The following RMND1 variants were observed in gnomAD, a reference collection of about 807,000 sequenced individuals.
RMND1 encodes required for meiotic nuclear division 1 homolog.
A neutral mutation model predicts 54.0 loss-of-function variants in RMND1; 41 were observed. The observed-to-expected ratio is 0.76, with a 90% CI of 0.59 to 0.98. The LOEUF (loss-of-function observed/expected upper bound fraction) is 0.98, where lower values mean the gene tolerates loss of function less well. Among genes scored for constraint, RMND1 ranks in the 50% least tolerant of loss-of-function variants. The probability of loss-of-function intolerance (pLI) is 0.00; values close to 1 mark genes in which losing one functional copy is unlikely to be tolerated. For synonymous variants in RMND1, 183 were observed against 181.7 expected (o/e 1.01, Z -0.06); for missense variants, 457 against 532.0 (o/e 0.86, Z 1.39).
At chr6:151,436,092 T>C (rs867255089) in intron 3 of RMND1, 34 of 195,478 alleles carry the variant, frequency 1.7e-4, no homozygotes, top group African/African-American at 8.3e-4. Context: ...GCAACAAGAG[T>C]GAAACTCCAT....
Position 151,445,511 on chromosome 6 carries a change from A to T in RMND1, c.301T>A (p.Phe101Ile), listed in dbSNP as rs144414751. 1.2e-5 allele frequency: 20 copies of T among 1,614,286 alleles called. No homozygotes were observed. The Admixed American group carries it at 1.3e-4, about 11-fold the overall frequency. ...EKAHLPTMKS[F>I]GTHRRVTHKP... Reference sequence around the variant, plus strand: ...TGGGTCACTCTCCTGTGAGTACCAAAGGATTTCATGGTTGGAAGGTGTGCC... The same window carrying T: ...TGGGTCACTCTCCTGTGAGTACCAATGGATTTCATGGTTGGAAGGTGTGCC... The change falls in exon 2 of 12, where the codon TTT (phenylalanine) becomes ATT (isoleucine). Residue 101 changes from phenylalanine (F) to isoleucine (I), a missense_variant. Phe to Ile is a conservative substitution (Grantham distance 21). Transcript: ENST00000444024.
intron 4 of RMND1, among the ~76,000 whole-genome samples, chr6:151,431,732 TATC>T (rs985514585): frequency 7.9e-5 from 12 of 152,118 alleles, no homozygotes; most frequent in Non-Finnish European, 1.2e-4. Context: ...AGTGAAAAAA[TATC>T]ATTATTAATT....
chr6:151,413,032 T>A (rs1779899784), intron 10 of RMND1, among the ~76,000 whole-genome samples: 1 of 152,166 alleles, frequency 6.6e-6, no homozygotes, highest in African/African-American at 2.4e-5. Context: ...ACTGCCATGT[T>A]GTGAGATGCT....
chr6:151,405,048 T>A lies in RMND1; in HGVS notation c.*187A>T. ...CACACCTGGCTAATTTTGGTATTTT[T>A]AGTAGAGATGGGGTTTCACCATGTT... On this transcript the variant is annotated 3_prime_UTR_variant, in exon 12 of 12. Coordinates refer to ENST00000444024, the MANE Select transcript of RMND1 (RefSeq NM_017909.4). The A allele has an allele frequency of 1.9e-6, 1 of 524,984 alleles. No individual in the cohort carries two copies. Among genetic ancestry groups the A allele is most frequent in the Non-Finnish European group, 3.4e-6 (1 of 296,504 alleles). 32.5% of individuals were successfully genotyped at this position (524,984 alleles called of 1,614,324 possible).
chr6:151,421,423 T>G, intron 8 of RMND1, 102 bp from the exon 9 acceptor site: 80 of 687,558 alleles, frequency 1.2e-4, no homozygotes, highest in Non-Finnish European at 1.8e-4. Context: ...ATTTGGATCC[T>G]ATGTAAATAT....
intron 1 of RMND1, among the ~76,000 whole-genome samples, chr6:151,448,937 C>A (rs768266486): frequency 1.3e-5 from 2 of 151,346 alleles, no homozygotes; most frequent in Non-Finnish European, 2.9e-5. Context: ...ATCAGCCGGG[C>A]ATGGTGGCAT....
In RMND1 at chr6:151,433,019, A is replaced by G. The variant is rs77629987; in HGVS notation, c.689+136T>C. 3.5e-4 allele frequency: 193 copies of G among 556,874 alleles called. 1 individual carries two copies. The highest frequency in any genetic ancestry group is 3.5e-3 in the African/African-American group (182 of 52,696). 34.5% of individuals were successfully genotyped at this position (556,874 alleles called of 1,614,324 possible). ...GACAAACTCTCCTAGATTAAATAAGAATTAAATGATAAATTTAAATCACAA... is the reference window on the plus strand; with the variant it reads ...GACAAACTCTCCTAGATTAAATAAGGATTAAATGATAAATTTAAATCACAA... On this transcript the variant is annotated intron_variant, in intron 4 of 11. Coordinates refer to ENST00000444024, the MANE Select transcript of RMND1 (RefSeq NM_017909.4).
At chr6:151,431,948 T>C (rs1780460168) in intron 4 of RMND1, among the ~76,000 whole-genome samples, 1 of 151,928 alleles carries the variant, frequency 6.6e-6, no homozygotes, top group Non-Finnish European at 1.5e-5. Flanking sequence ...TTTTTTTTTT[T>C]TTCTTTGAGG....
At chr6:151,416,170 C>A (rs936043501) in intron 10 of RMND1, among the ~76,000 whole-genome samples, 1 of 151,624 alleles carries the variant, frequency 6.6e-6, no homozygotes, top group Non-Finnish European at 1.5e-5. Flanking sequence ...GTAGAGACAG[C>A]GTTTTACCAT....
At chr6:151,448,827 G>A (rs898610187) in intron 1 of RMND1, among the ~76,000 whole-genome samples, 4 of 152,154 alleles carry the variant, frequency 2.6e-5, no homozygotes, top group African/African-American at 4.8e-5. Context: ...GGCGGCTCAC[G>A]CCTGTAATCT....
chr6:151,428,964 C>G (rs1346296568), intron 5 of RMND1, among the ~76,000 whole-genome samples: 1 of 152,142 alleles, frequency 6.6e-6, no homozygotes, highest in African/African-American at 2.4e-5. Flanking sequence ...AAATAGCCAA[C>G]TTGTATTTTC....
In RMND1 at chr6:151,436,552, G is replaced by A. The variant is rs2114959161; in HGVS notation, c.507C>T (p.Asp169=). 2.5e-6 allele frequency: 4 copies of A among 1,613,604 alleles called. No homozygotes were observed. The highest frequency in any genetic ancestry group is 1.1e-5 in the South Asian group (1 of 91,064). ...TTGCAAATGCTGTGCAGTGCATTAG[G>A]TCCTGTTCCAGGGAAATGAGCATAA... ...TNLPVLSVNE[D]LMHCTAFATA... The change falls in exon 3 of 12, where the codon GAC becomes GAT. Residue 169 remains aspartate (D), a splice_region_variant and synonymous_variant. Coordinates refer to ENST00000444024, the MANE Select transcript of RMND1 (RefSeq NM_017909.4).
chr6:151,420,466 G>A (rs1266581259), intron 9 of RMND1, among the ~76,000 whole-genome samples: 1 of 152,170 alleles, frequency 6.6e-6, no homozygotes, highest in Non-Finnish European at 1.5e-5. Context: ...ACTGGACAAT[G>A]CTGCCTGTGA....
At chr6:151,428,210 C>T (rs1455966550) in intron 5 of RMND1, among the ~76,000 whole-genome samples, 2 of 152,198 alleles carry the variant, frequency 1.3e-5, no homozygotes, top group African/African-American at 4.8e-5. Flanking sequence ...TTTCTCTCTT[C>T]TGTACTGAAA....
chr6:151,406,277 G>A (rs1779616082), intron 10 of RMND1, among the ~76,000 whole-genome samples: 1 of 152,164 alleles, frequency 6.6e-6, no homozygotes, highest in South Asian at 2.1e-4. Context: ...TCTGCATTCC[G>A]ATGCCTCCAA....
chr6:151,434,264 TA>T (rs543310305), intron 3 of RMND1, among the ~76,000 whole-genome samples: 48 of 152,294 alleles, frequency 3.2e-4, no homozygotes, highest in Non-Finnish European at 5.6e-4. Context: ...CAACCAATGT[TA>T]ATATATCAAT....
chr6:151,427,369 C>T (rs1780332720), intron 6 of RMND1, 113 bp downstream of exon 6: 2 of 572,906 alleles, frequency 3.5e-6, no homozygotes, highest in East Asian at 3.3e-5. Flanking sequence ...GAGTGAGACT[C>T]CGTCTCAAAA....
chr6:151,431,723 G>A (rs185035995), intron 4 of RMND1, among the ~76,000 whole-genome samples: 2 of 152,134 alleles, frequency 1.3e-5, no homozygotes, highest in Non-Finnish European at 2.9e-5. Context: ...AGTATGACAA[G>A]TGAAAAAATA....
Position 151,445,529 on chromosome 6 carries a change from G to A in RMND1, c.283C>T (p.Leu95Phe). Residue 95 changes from leucine (L) to phenylalanine (F), a missense_variant, in exon 2 of 12, where the codon CTT (leucine) becomes TTT (phenylalanine). Physicochemically the swap from Leu to Phe is conservative, Grantham distance 22. Transcript: ENST00000444024. Reference sequence around the variant, plus strand: ...GTACCAAAGGATTTCATGGTTGGAAGGTGTGCCTTTTCATCTTGGCAACGA... The same window carrying A: ...GTACCAAAGGATTTCATGGTTGGAAAGTGTGCCTTTTCATCTTGGCAACGA... The part of the protein sequence containing the change: ...AARCQDEKAH[L>F]PTMKSFGTHR... The A allele has an allele frequency of 6.2e-7, 1 of 1,614,240 alleles. No individual in the cohort carries two copies. Among genetic ancestry groups the A allele is most frequent in the Non-Finnish European group, 8.5e-7 (1 of 1,180,040 alleles).
Sources: gnomAD v4.1 joint callset for allele counts (sites outside exome capture counted in the v4.1 genomes callset) on GRCh38, gnomAD v4.1.1 for gene constraint, MANE v1.5 for transcripts, NCBI Gene and HGNC (gene_info 2026-07-23, HGNC 2026-07-21) for gene names.